GHR: variants seen among roughly 807,000 people sequenced by gnomAD.
GHR encodes the protein GH receptor.
GHR carries 35 observed loss-of-function variants against 67.1 expected under a neutral mutation model. That is an observed-to-expected ratio of 0.52 (90% CI 0.40 to 0.69). The LOEUF (loss-of-function observed/expected upper bound fraction) is 0.69. Among genes scored for constraint, GHR ranks in the 30% least tolerant of loss-of-function variants. The probability of loss-of-function intolerance (pLI) is 0.00; values close to 1 mark genes in which losing one functional copy is unlikely to be tolerated. For synonymous variants in GHR, 272 were observed against 269.1 expected, an observed-to-expected ratio of 1.01 and a Z score of -0.10; for missense variants, 792 against 764.6, an observed-to-expected ratio of 1.04 and a Z score of -0.42.
chr5:42,538,855 G>A (rs1748378669), intron 1 of GHR, among the ~76,000 whole-genome samples: 2 of 151,996 alleles, frequency 1.3e-5, no homozygotes, highest in African/African-American at 4.8e-5. Context: ...CAGACTTCTT[G>A]GAACCTTTGT....
intron 1 of GHR, 31 bp from the exon 2 acceptor site, chr5:42,565,833 G>C: frequency 6.2e-7 from 1 of 1,613,806 alleles, no homozygotes; most frequent in East Asian, 2.2e-5. Flanking sequence ...TTTAATTGCT[G>C]GGCTTTACCT....
intron 1 of GHR, among the ~76,000 whole-genome samples, chr5:42,526,381 T>G (rs941756766): frequency 2.0e-5 from 3 of 152,090 alleles, no homozygotes; most frequent in African/African-American, 7.2e-5. Flanking sequence ...GGTTGGAAAT[T>G]TAAGAAGCCA....
rs138386131 is a variant in GHR at position 42,583,878 on chromosome 5, G to GATATATAT, written c.70+17946_70+17953dup. ...AAAGATATATATATCTTTAAATAAAGATATATATATATATATATAAATTCT... is the reference window on the plus strand; with the variant it reads ...AAAGATATATATATCTTTAAATAAAGATATATATATATATATATATATATATAAATTCT... On this transcript the variant is annotated intron_variant, in intron 2 of 9. Transcript: ENST00000230882. 4.3e-3 allele frequency among the ~76,000 whole-genome samples: 596 copies of GATATATAT among 138,964 alleles called. 3 individuals carry two copies. Among genetic ancestry groups the GATATATAT allele is most frequent in the South Asian group, 0.023 (101 of 4,454 alleles). 91.2% of individuals were successfully genotyped at this position (138,964 alleles called of 152,430 possible).
intron 3 of GHR, among the ~76,000 whole-genome samples, chr5:42,646,120 G>C (rs1196382858): frequency 2.0e-5 from 3 of 151,828 alleles, no homozygotes; most frequent in Non-Finnish European, 4.4e-5. Context: ...AGGTTCCATG[G>C]AGCAGAGCAA....
At chr5:42,465,298 G>C (rs1744675825) in intron 1 of GHR, 1 of 664,574 alleles carries the variant, frequency 1.5e-6, no homozygotes, top group East Asian at 2.5e-5. Flanking sequence ...TGATCTTGAA[G>C]AACAGATTTT....
chr5:42,448,556 G>A (rs189079398), intron 1 of GHR, among the ~76,000 whole-genome samples: 5 of 144,982 alleles, frequency 3.4e-5, no homozygotes, highest in Non-Finnish European at 4.5e-5. Context: ...TCTCCCAATC[G>A]GTGGGTTATC....
chr5:42,701,297 A>C lies in GHR; in HGVS notation c.618+1295A>C, dbSNP rs371316793. Among the ~76,000 whole-genome samples the C allele has an allele frequency of 3.7e-4, 57 of 152,364 alleles. No individual in the cohort carries two copies. The East Asian group carries it at 5.0e-3, about 13-fold the overall frequency. ...CCCAATGAAGAAGGAAGAAAAAGCC[A>C]GTTTCACGTTTGAAGTTCTTGATGA... On this transcript the variant is annotated intron_variant, in intron 6 of 9. Coordinates refer to ENST00000230882, the MANE Select transcript of GHR (RefSeq NM_000163.5).
intron 2 of GHR, among the ~76,000 whole-genome samples, chr5:42,588,491 A>G (rs897141602): frequency 2.3e-5 from 3 of 130,688 alleles, no homozygotes; most frequent in Non-Finnish European, 3.1e-5. Context: ...TGCACTCCAC[A>G]CTCCAGCCTG....
At position 42,424,467 on chromosome 5, in the gene GHR, G is replaced by A; in HGVS notation, c.-12+512G>A. The A allele has an allele frequency of 1.3e-6, 1 of 787,894 alleles. No homozygotes were observed. The highest frequency in any genetic ancestry group is 2.1e-6 in the Non-Finnish European group (1 of 472,560). The allele number at this position is 787,894 out of a possible 1,614,324, so 48.8% of individuals were successfully genotyped here. A position where few individuals can be genotyped will look rare whatever the true frequency, so the allele number is the denominator to read the frequency against. On this transcript the variant is annotated intron_variant, in intron 1 of 9. Transcript: ENST00000230882. This position sits in a 1 kb window ranked among gnomAD's most constrained non-coding sequence, Gnocchi z 4.1. ...CAGCGCGACTGGAGAGACTGGGGAG[G>A]TCGAGCTGTGCGCGTGGACACAGCG...
At chr5:42,698,698 T>A (rs1313372107) in intron 5 of GHR, among the ~76,000 whole-genome samples, 3 of 152,142 alleles carry the variant, frequency 2.0e-5, no homozygotes, top group African/African-American at 7.2e-5. Context: ...ACTGTGTATA[T>A]CTGTAAAGTT....
intron 1 of GHR, among the ~76,000 whole-genome samples, chr5:42,517,337 C>T (rs2112287100): frequency 6.6e-6 from 1 of 152,214 alleles, no homozygotes; most frequent in South Asian, 2.1e-4. Context: ...AACAAGAGTG[C>T]TGAATTGAAA....
Position 42,620,123 on chromosome 5 carries a change from G to T in GHR, c.71-8915G>T, listed in dbSNP as rs577998896. ...CAAGGGACTAGATGTCATAAATCTA[G>T]TTAAAATATGTTGACTTTGCCTCAA... On this transcript the variant is annotated intron_variant, in intron 2 of 9. Coordinates refer to ENST00000230882, the MANE Select transcript of GHR (RefSeq NM_000163.5). Among the ~76,000 whole-genome samples, 6 of 152,186 alleles carry T rather than the reference G, an allele frequency of 3.9e-5. No individual in the cohort carries two copies. In the South Asian group the frequency reaches 6.2e-4, roughly 16 times the overall value.
At chr5:42,473,294 G>C (rs544245742) in intron 1 of GHR, among the ~76,000 whole-genome samples, 7 of 152,150 alleles carry the variant, frequency 4.6e-5, no homozygotes, top group Non-Finnish European at 1.0e-4. Flanking sequence ...GCAACGGCGC[G>C]ATCTCGGGTC....
intron 3 of GHR, among the ~76,000 whole-genome samples, chr5:42,639,153 G>A (rs537810562): frequency 2.8e-4 from 42 of 152,276 alleles, no homozygotes; most frequent in Admixed American, 7.8e-4. Flanking sequence ...TGTCTGAGAC[G>A]TGTCATCATT....
chr5:42,566,386 T>A (rs1227442648), intron 2 of GHR, among the ~76,000 whole-genome samples: 1 of 152,202 alleles, frequency 6.6e-6, no homozygotes, highest in Non-Finnish European at 1.5e-5. Flanking sequence ...ATTGCAGGTT[T>A]CAAATGAATT....
intron 2 of GHR, among the ~76,000 whole-genome samples, chr5:42,613,714 G>A (rs971939700): frequency 7.2e-5 from 11 of 152,100 alleles, no homozygotes; most frequent in African/African-American, 2.7e-4. Context: ...ATGTGAAAAT[G>A]ATACAAAATG....
In GHR at chr5:42,648,692, C is replaced by CTAG. The variant is rs571645858; in HGVS notation, c.136+19609_136+19611dup. Reference sequence around the variant, plus strand: ...ATAAGTAATAGTACTACTACTAGTACTAGTAGTAGTAGTAGTAGTAGTGGT... The same window carrying CTAG: ...ATAAGTAATAGTACTACTACTAGTACTAGTAGTAGTAGTAGTAGTAGTAGTGGT... On this transcript the variant is annotated intron_variant, in intron 3 of 9. Transcript: ENST00000230882. Among the ~76,000 whole-genome samples, 1,076 of 149,808 alleles carry CTAG rather than the reference C, an allele frequency of 7.2e-3. 5 individuals carry two copies. Among genetic ancestry groups the CTAG allele is most frequent in the Non-Finnish European group, 0.011 (766 of 67,536 alleles).
intron 2 of GHR, among the ~76,000 whole-genome samples, chr5:42,618,764 T>C (rs1230214469): frequency 1.3e-5 from 2 of 152,078 alleles, no homozygotes; most frequent in African/African-American, 4.8e-5. Flanking sequence ...ACTTTATAGA[T>C]GGGAATTGGC....
intron 1 of GHR, among the ~76,000 whole-genome samples, chr5:42,550,342 C>T (rs1421005170): frequency 6.6e-6 from 1 of 152,248 alleles, no homozygotes; most frequent in East Asian, 1.9e-4. Flanking sequence ...TTCTCGGGGC[C>T]ATGTTCAGCC....
Sources: gnomAD v4.1 joint callset for allele counts (sites outside exome capture counted in the v4.1 genomes callset) on GRCh38, gnomAD v4.1.1 for gene constraint, Gnocchi (gnomAD v3.1) non-coding constraint, MANE v1.5 for transcripts, NCBI Gene and HGNC (gene_info 2026-07-23, HGNC 2026-07-21) for gene names.